Variants in CNTNAP4 observed in about 807,000 individuals in gnomAD.
The protein encoded by CNTNAP4 is contactin associated protein family member 4, also known as contactin-associated protein-like 4.
A neutral mutation model predicts 148.4 loss-of-function variants in CNTNAP4; 98 were observed. That is an observed-to-expected ratio of 0.66 (90% CI 0.56 to 0.78). CNTNAP4 has a LOEUF of 0.78. Ranked by LOEUF, CNTNAP4 falls within the 30% of genes least tolerant of loss-of-function variation. The pLI is 0.00. For missense variants in CNTNAP4, 1,935 were observed against 1,565.6 expected, an observed-to-expected ratio of 1.24 and a Z score of -3.98; for synonymous variants, 730 against 565.1, an observed-to-expected ratio of 1.29 and a Z score of -4.14.
At chr16:76,433,958 T>C (rs1480929436) in intron 4 of CNTNAP4, among the ~76,000 whole-genome samples, 1 of 151,850 alleles carries the variant, frequency 6.6e-6, no homozygotes, top group Non-Finnish European at 1.5e-5. Flanking sequence ...ATTTATAATT[T>C]TAAGTTTGAT....
rs529041703 is a variant in CNTNAP4 at position 76,309,755 on chromosome 16, A to C, written c.86-6658A>C. On this transcript the variant is annotated intron_variant, in intron 1 of 23. Transcript: ENST00000611870. ...GGTAATTGAATTGGGGTTTGGGCGG[A>C]GGGGGTGGTCCGGGCTTTCCCGTGC... 10 of 671,886 alleles carry C rather than the reference A, an allele frequency of 1.5e-5. No individual in the cohort carries two copies. In the Admixed American group the frequency reaches 2.1e-4, roughly 14 times the overall value. The allele number at this position is 671,886 out of a possible 1,614,324, so 41.6% of individuals were successfully genotyped here.
At chr16:76,358,336 AAAAAC>A (rs1162800265) in intron 3 of CNTNAP4, among the ~76,000 whole-genome samples, 4 of 152,324 alleles carry the variant, frequency 2.6e-5, no homozygotes, top group African/African-American at 9.6e-5. Context: ...ACTCCATTTC[AAAAAC>A]AAAACAAACA....
Position 76,522,771 on chromosome 16 carries a change from C to G in CNTNAP4, c.2755+514C>G, listed in dbSNP as rs540521325. 1.2e-3 allele frequency among the ~76,000 whole-genome samples: 112 copies of G among 93,380 alleles called. 2 individuals are homozygous for G. Among genetic ancestry groups the G allele is most frequent in the African/African-American group, 4.3e-3 (104 of 24,390 alleles). The allele number at this position is 93,380 out of a possible 152,430, so 61.3% of individuals were successfully genotyped here. A position where few individuals can be genotyped will look rare whatever the true frequency, so the allele number is the denominator to read the frequency against. ...CTTTTCTTTTCTTTTCTTTTCTTTT[C>G]TTTTCTTTCTTGACAGAGTCTCGCT... On this transcript the variant is annotated intron_variant, in intron 17 of 23. Coordinates refer to ENST00000611870, the MANE Select transcript of CNTNAP4 (RefSeq NM_033401.5).
chr16:76,495,263 A>G, intron 14 of CNTNAP4, 197 bp downstream of exon 14: 1 of 445,952 alleles, frequency 2.2e-6, no homozygotes, highest in South Asian at 3.9e-5. Flanking sequence ...ATTTTCTGTA[A>G]TGGACCATAA....
intron 2 of CNTNAP4, among the ~76,000 whole-genome samples, chr16:76,345,116 A>G (rs1419085362): frequency 6.6e-6 from 1 of 152,184 alleles, no homozygotes; most frequent in Non-Finnish European, 1.5e-5. Context: ...ACTGGGCCCC[A>G]TGATACTTCT....
chr16:76,317,586 A>G (rs1961931958), intron 2 of CNTNAP4, among the ~76,000 whole-genome samples: 1 of 152,154 alleles, frequency 6.6e-6, no homozygotes, highest in African/African-American at 2.4e-5. Flanking sequence ...TGGTTCTCCC[A>G]TTTATTATCC....
At chr16:76,355,568 A>T in intron 3 of CNTNAP4, 57 bp downstream of exon 3, 1 of 1,258,764 alleles carries the variant, frequency 7.9e-7, no homozygotes, top group Non-Finnish European at 1.1e-6. Context: ...TCAGTACTGC[A>T]TCTTGTTTAC....
At chr16:76,467,840 C>G (rs553534270) in intron 10 of CNTNAP4, among the ~76,000 whole-genome samples, 4 of 152,062 alleles carry the variant, frequency 2.6e-5, no homozygotes, top group African/African-American at 9.7e-5. Flanking sequence ...TCATTAAACT[C>G]AATATATTAA....
intron 21 of CNTNAP4, among the ~76,000 whole-genome samples, chr16:76,547,876 C>T (rs1746181770): frequency 6.6e-6 from 1 of 152,170 alleles, no homozygotes. Flanking sequence ...TAGAGACAAT[C>T]TTCCATCTCA....
intron 3 of CNTNAP4, among the ~76,000 whole-genome samples, chr16:76,423,624 C>T (rs1325752300): frequency 3.3e-5 from 5 of 152,122 alleles, no homozygotes; most frequent in Non-Finnish European, 7.3e-5. Flanking sequence ...AACTCAATAG[C>T]ATGCACTGAA....
At chr16:76,342,049 T>C (rs1477579151) in intron 2 of CNTNAP4, among the ~76,000 whole-genome samples, 1 of 152,218 alleles carries the variant, frequency 6.6e-6, no homozygotes, top group Non-Finnish European at 1.5e-5. Context: ...ACAGATGCAG[T>C]ATGTCAGCAT....
intron 1 of CNTNAP4, among the ~76,000 whole-genome samples, chr16:76,307,952 G>A (rs1036914026): frequency 6.6e-6 from 1 of 152,198 alleles, no homozygotes; most frequent in Non-Finnish European, 1.5e-5. Context: ...ACATCACAGA[G>A]AATTAACAGT....
intron 3 of CNTNAP4, among the ~76,000 whole-genome samples, chr16:76,401,706 G>A (rs1272593170): frequency 6.6e-6 from 1 of 152,054 alleles, no homozygotes; most frequent in Non-Finnish European, 1.5e-5. Flanking sequence ...TTATTTTGAA[G>A]TATGTTCCTT....
At chr16:76,550,123 A>C (rs1267518565) in intron 21 of CNTNAP4, among the ~76,000 whole-genome samples, 1 of 149,418 alleles carries the variant, frequency 6.7e-6, no homozygotes, top group Non-Finnish European at 1.5e-5. Flanking sequence ...GGGCTGCAAA[A>C]AATGTCACCC....
chr16:76,343,702 A>C (rs1452533374), intron 2 of CNTNAP4, among the ~76,000 whole-genome samples: 1 of 152,118 alleles, frequency 6.6e-6, no homozygotes, highest in African/African-American at 2.4e-5. Flanking sequence ...CCATTTTAAC[A>C]CAATGTAATA....
intron 1 of CNTNAP4, among the ~76,000 whole-genome samples, chr16:76,283,012 C>CA (rs1958746231): frequency 6.6e-6 from 1 of 151,484 alleles, no homozygotes; most frequent in African/African-American, 2.4e-5. Flanking sequence ...ACCCCCCCAC[C>CA]AAAAAAACTA....
intron 3 of CNTNAP4, among the ~76,000 whole-genome samples, chr16:76,357,544 C>G (rs2012846720): frequency 6.6e-6 from 1 of 152,184 alleles, no homozygotes; most frequent in Admixed American, 6.5e-5. Flanking sequence ...CTAGACTCTG[C>G]TGTAATTTGT....
intron 15 of CNTNAP4, among the ~76,000 whole-genome samples, chr16:76,512,904 T>C (rs1160426453): frequency 6.6e-6 from 1 of 152,172 alleles, no homozygotes; most frequent in South Asian, 2.1e-4. Flanking sequence ...AAGATAAAAC[T>C]GAGAACTGAT....
At chr16:76,289,465 A>C (rs1001681254) in intron 1 of CNTNAP4, among the ~76,000 whole-genome samples, 1 of 151,788 alleles carries the variant, frequency 6.6e-6, no homozygotes, top group Non-Finnish European at 1.5e-5. Context: ...GTGTGACCAC[A>C]GCCTCCTTGC....
Sources: allele counts gnomAD v4.1 joint callset (sites outside exome capture counted in the v4.1 genomes callset), GRCh38; gene constraint gnomAD v4.1.1; transcripts MANE v1.5; gene names NCBI Gene and HGNC (gene_info 2026-07-23, HGNC 2026-07-21).